Variants in TTC27 observed in about 807,000 individuals in gnomAD.
TTC27 encodes tetratricopeptide repeat domain 27, also known as tetratricopeptide repeat protein 27.
Under a neutral mutation model 115.9 loss-of-function variants are expected in TTC27, and 79 were observed. That is an observed-to-expected ratio of 0.68 (90% CI 0.57 to 0.82). The LOEUF is 0.82. Ranked by LOEUF, TTC27 falls within the 40% of genes least tolerant of loss-of-function variation. The pLI, the probability that TTC27 is intolerant of heterozygous loss-of-function variation, is 0.00. For synonymous variants in TTC27, 401 were observed against 356.0 expected, an observed-to-expected ratio of 1.13 and a Z score of -1.42; for missense variants, 1,054 against 993.1, an observed-to-expected ratio of 1.06 and a Z score of -0.82.
At chr2:32,695,968 C>T (rs1381932652) in intron 9 of TTC27, among the ~76,000 whole-genome samples, 2 of 150,104 alleles carry the variant, frequency 1.3e-5, no homozygotes, top group East Asian at 2.0e-4. Context: ...AATAAAAATA[C>T]GAAAATTAGC....
At chr2:32,633,843 C>G in intron 2 of TTC27, 33 bp from the exon 3 acceptor site, 2 of 1,602,362 alleles carry the variant, frequency 1.2e-6, no homozygotes, top group Non-Finnish European at 1.7e-6. Context: ...GATAGTAGTT[C>G]ATATTTATTT....
intron 10 of TTC27, among the ~76,000 whole-genome samples, chr2:32,710,427 C>CTTTTTTTT (rs10651873): frequency 7.7e-6 from 1 of 129,856 alleles, no homozygotes; most frequent in African/African-American, 2.9e-5. Flanking sequence ...AAGTATATAG[C>CTTTTTTTT]TTTTTTTTTT....
At chr2:32,736,936 T>C (rs1303522996) in intron 12 of TTC27, 120 bp downstream of exon 12, 3 of 1,355,424 alleles carry the variant, frequency 2.2e-6, no homozygotes, top group Admixed American at 3.1e-5. Context: ...TTTTTCACTT[T>C]TTTTCCAGAA....
At chr2:32,639,284 A>C (rs1174621393) in intron 3 of TTC27, among the ~76,000 whole-genome samples, 1 of 152,194 alleles carries the variant, frequency 6.6e-6, no homozygotes, top group Non-Finnish European at 1.5e-5. Flanking sequence ...ATGGGTGAAG[A>C]TTCTTGCTCG....
chr2:32,697,836 C>A (rs1380826259), intron 9 of TTC27, among the ~76,000 whole-genome samples: 2 of 152,050 alleles, frequency 1.3e-5, no homozygotes, highest in African/African-American at 4.8e-5. Flanking sequence ...ACTGCAACCT[C>A]TCCCTCCTGG....
intron 5 of TTC27, among the ~76,000 whole-genome samples, chr2:32,663,990 A>AT (rs34288912): frequency 0.19 from 26,948 of 144,074 alleles, 2,984 homozygotes; most frequent in African/African-American, 0.31. Flanking sequence ...TCCCCCCACT[A>AT]TTTTTTTTTT....
At chr2:32,702,643 G>A (rs929312774) in intron 9 of TTC27, among the ~76,000 whole-genome samples, 164 bp from the exon 10 acceptor site, 3 of 152,152 alleles carry the variant, frequency 2.0e-5, no homozygotes, top group African/African-American at 7.2e-5. Flanking sequence ...AATGATTTCT[G>A]TAATACAAAT....
chr2:32,710,891 A>G (rs1457223283), intron 10 of TTC27, among the ~76,000 whole-genome samples: 1 of 151,600 alleles, frequency 6.6e-6, no homozygotes, highest in African/African-American at 2.4e-5. Context: ...AGGCATTTGG[A>G]TCACTTGAGG....
intron 8 of TTC27, among the ~76,000 whole-genome samples, chr2:32,675,823 C>T (rs1666177847): frequency 6.6e-6 from 1 of 151,672 alleles, no homozygotes; most frequent in Non-Finnish European, 1.5e-5. Flanking sequence ...CGGAGTTTCA[C>T]TCTTGTTGGC....
intron 12 of TTC27, among the ~76,000 whole-genome samples, chr2:32,751,276 A>G (rs1669000928): frequency 6.6e-6 from 1 of 151,024 alleles, no homozygotes; most frequent in African/African-American, 2.4e-5. Flanking sequence ...ACACACACAC[A>G]CACACACACA....
chr2:32,684,984 G>A (rs192937447), intron 9 of TTC27, among the ~76,000 whole-genome samples: 31 of 137,310 alleles, frequency 2.3e-4, no homozygotes, highest in African/African-American at 6.9e-4. Context: ...TCACCTTCTC[G>A]TTGAAACTAA....
chr2:32,767,548 G>A (rs537727862), intron 13 of TTC27, among the ~76,000 whole-genome samples: 1 of 138,106 alleles, frequency 7.2e-6, no homozygotes, highest in South Asian at 2.4e-4. Flanking sequence ...TGCAAGCTCC[G>A]CTTCCCAGGT....
chr2:32,726,591 A>G (rs996970891), intron 10 of TTC27, among the ~76,000 whole-genome samples: 3 of 152,200 alleles, frequency 2.0e-5, no homozygotes, highest in African/African-American at 7.2e-5. Flanking sequence ...AAGCCATTCA[A>G]CAAGTCTGTA....
intron 13 of TTC27, among the ~76,000 whole-genome samples, chr2:32,759,507 C>T (rs1233935473): frequency 6.6e-6 from 1 of 152,052 alleles, no homozygotes; most frequent in Admixed American, 6.6e-5. Flanking sequence ...TCTATAATCC[C>T]AGCACTTTGG....
intron 14 of TTC27, chr2:32,780,222 T>C (rs1670129693): frequency 8.9e-6 from 3 of 337,304 alleles, no homozygotes; most frequent in Admixed American, 5.7e-5. Flanking sequence ...AAAGACCTTA[T>C]ATTGAATCTG....
At chr2:32,678,762 A>G in intron 8 of TTC27, 94 bp from the exon 9 acceptor site, 1 of 875,056 alleles carries the variant, frequency 1.1e-6, no homozygotes, top group Non-Finnish European at 1.8e-6. Context: ...CAAATATATA[A>G]AATATAGCAG....
chr2:32,737,013 C>G (rs962917477), intron 12 of TTC27, among the ~76,000 whole-genome samples, 197 bp downstream of exon 12: 4 of 152,090 alleles, frequency 2.6e-5, no homozygotes, highest in African/African-American at 9.7e-5. Flanking sequence ...GAAAGACTAA[C>G]AAGAGCTTTG....
At chr2:32,650,070 A>G (rs1410863227) in intron 4 of TTC27, 61 bp from the exon 5 acceptor site, 3 of 1,355,928 alleles carry the variant, frequency 2.2e-6, no homozygotes, top group Non-Finnish European at 3.1e-6. Context: ...AATCTCAGTT[A>G]ATGTAAAAAG....
intron 6 of TTC27, 52 bp downstream of exon 6, chr2:32,664,519 A>G (rs1407303019): frequency 1.3e-6 from 2 of 1,489,232 alleles, no homozygotes; most frequent in Non-Finnish European, 1.8e-6. Context: ...ATAAAACTAT[A>G]TACATTGGCA....
Sources: allele counts gnomAD v4.1 joint callset (sites outside exome capture counted in the v4.1 genomes callset), GRCh38; gene constraint gnomAD v4.1.1; transcripts MANE v1.5; gene names NCBI Gene and HGNC (gene_info 2026-07-23, HGNC 2026-07-21).